ITGA4: variants seen among roughly 807,000 people sequenced by gnomAD.
ITGA4 encodes the protein integrin subunit alpha 4.
Under a neutral mutation model 133.6 loss-of-function variants are expected in ITGA4, and 63 were observed. The observed-to-expected ratio is 0.47, with a 90% CI of 0.38 to 0.58. ITGA4 has a LOEUF of 0.58. ITGA4 is among the 20% of genes least tolerant of loss of function. The pLI is 0.00. For synonymous variants in ITGA4, 483 were observed against 438.0 expected, an observed-to-expected ratio of 1.10 and a Z score of -1.28; for missense variants, 1,076 against 1,252.7, an observed-to-expected ratio of 0.86 and a Z score of 2.13.
chr2:181,534,596 A>AG (rs1687016102), intron 26 of ITGA4, among the ~76,000 whole-genome samples: 1 of 148,938 alleles, frequency 6.7e-6, no homozygotes, highest in African/African-American at 2.4e-5. Flanking sequence ...AGAATTGAAT[A>AG]GATTGGAGGA....
At chr2:181,470,749 C>T (rs367930739) in intron 2 of ITGA4, among the ~76,000 whole-genome samples, 2 of 152,122 alleles carry the variant, frequency 1.3e-5, no homozygotes, top group East Asian at 1.9e-4. Flanking sequence ...GTGGTGGGCA[C>T]CTATATCCCC....
chr2:181,538,818 A>G lies in ITGA4; in HGVS notation c.*3291A>G, dbSNP rs1687341335. Among the ~76,000 whole-genome samples, 1 of 152,212 alleles carries G rather than the reference A, an allele frequency of 6.6e-6. No homozygotes were observed. The highest frequency in any genetic ancestry group is 1.5e-5 in the Non-Finnish European group (1 of 68,026). On this transcript the variant is annotated 3_prime_UTR_variant, in exon 28 of 28. Transcript: ENST00000397033. ...AAAATCCAAAATGGAAGTTGTAGAC[A>G]TTATCTGTAGTTTATGCACAACAAT...
intron 2 of ITGA4, among the ~76,000 whole-genome samples, chr2:181,465,071 C>T (rs1334402677): frequency 1.3e-5 from 2 of 152,140 alleles, no homozygotes; most frequent in African/African-American, 4.8e-5. Context: ...GTGGATTAGA[C>T]ATGTTCTTTT....
At chr2:181,533,410 C>T (rs891124356) in intron 25 of ITGA4, among the ~76,000 whole-genome samples, 16 of 152,142 alleles carry the variant, frequency 1.1e-4, no homozygotes, top group African/African-American at 2.9e-4. Context: ...TTGCAGTTTG[C>T]CTTATCTTTT....
intron 1 of ITGA4, 90 bp from the exon 2 acceptor site, chr2:181,458,106 C>A: frequency 1.3e-6 from 2 of 1,560,798 alleles, no homozygotes; most frequent in Non-Finnish European, 1.8e-6. Context: ...GGGGAAGCTG[C>A]CCTGCTGCGG....
At chr2:181,488,894 G>A (rs17225382) in intron 10 of ITGA4, among the ~76,000 whole-genome samples, 39,638 of 152,096 alleles carry the variant, frequency 0.26, 6,161 homozygotes, top group Non-Finnish European at 0.36. Context: ...TTGCCCATGA[G>A]TAGGCGTTTT....
chr2:181,470,513 C>G (rs949364839), intron 2 of ITGA4, among the ~76,000 whole-genome samples: 2 of 152,070 alleles, frequency 1.3e-5, no homozygotes, highest in Non-Finnish European at 2.9e-5. Context: ...GTCTGAGCCT[C>G]TAAGAGTGGG....
At chr2:181,518,033 A>G (rs548527121) in intron 17 of ITGA4, among the ~76,000 whole-genome samples, 1 of 152,128 alleles carries the variant, frequency 6.6e-6, no homozygotes, top group South Asian at 2.1e-4. Flanking sequence ...CTTTAGTCCT[A>G]ACATGATTAT....
Position 181,475,296 on chromosome 2 carries a change from A to G in ITGA4, c.556+8A>G, listed in dbSNP as rs373935872. The stretch of plus-strand genomic sequence containing the variant: ...TAGCTCCGTGTTATCAAGGTAAGGC[A>G]TGATTTTGATACGAATTAGATAAAG... On this transcript the variant is annotated splice_region_variant and intron_variant, in intron 4 of 27. Coordinates refer to ENST00000397033, the MANE Select transcript of ITGA4 (RefSeq NM_000885.6). 14 of 1,602,942 alleles carry G rather than the reference A, an allele frequency of 8.7e-6. No homozygotes were observed. The African/African-American group carries it at 1.7e-4, about 20-fold the overall frequency.
At chr2:181,496,595 A>G (rs1440810486) in intron 14 of ITGA4, among the ~76,000 whole-genome samples, 1 of 152,218 alleles carries the variant, frequency 6.6e-6, no homozygotes, top group Non-Finnish European at 1.5e-5. Flanking sequence ...CTCTGGAGAA[A>G]GTATCATTGA....
At chr2:181,485,759 G>A (rs1310446582) in intron 9 of ITGA4, 122 bp from the exon 10 acceptor site, 3 of 736,676 alleles carry the variant, frequency 4.1e-6, no homozygotes, top group African/African-American at 1.8e-5. Flanking sequence ...CTAAAGCTCA[G>A]TCTGTAGTTT....
rs902308015 is a variant in ITGA4, at chr2:181,537,076, C to T, written c.*1549C>T. On this transcript the variant is annotated 3_prime_UTR_variant, in exon 28 of 28. Transcript: ENST00000397033. ...AATGTAAGCACAAAACCTCCTGAAC[C>T]CAGAGTGTGTATACACAGGAATAAA... 2.2e-6 allele frequency: 1 copy of T among 446,948 alleles called. No homozygotes were observed. The highest frequency in any genetic ancestry group is 4.5e-6 in the Non-Finnish European group (1 of 223,020). 27.7% of individuals were successfully genotyped at this position (446,948 alleles called of 1,614,324 possible).
intron 27 of ITGA4, 28 bp downstream of exon 27, chr2:181,534,963 G>A (rs139440981): frequency 2.0e-6 from 3 of 1,532,816 alleles, no homozygotes; most frequent in South Asian, 1.2e-5. Flanking sequence ...ACCAACATTA[G>A]TCTACTAAAA....
chr2:181,490,043 G>T (rs542197598), intron 10 of ITGA4, among the ~76,000 whole-genome samples: 1 of 152,118 alleles, frequency 6.6e-6, no homozygotes, highest in Non-Finnish European at 1.5e-5. Flanking sequence ...GGGGGTACGT[G>T]ACTGGGGGCT....
At chr2:181,490,349 T>C (rs1686022187) in intron 10 of ITGA4, among the ~76,000 whole-genome samples, 3 of 152,352 alleles carry the variant, frequency 2.0e-5, no homozygotes, top group South Asian at 4.1e-4. Flanking sequence ...CACTGATTTA[T>C]GAGTAAGAGC....
rs762526892 is a variant in ITGA4, at chr2:181,516,403, T to TA, written c.1922+4629dup. On this transcript the variant is annotated intron_variant, in intron 17 of 27. Coordinates refer to ENST00000397033, the MANE Select transcript of ITGA4 (RefSeq NM_000885.6). This position sits in a 1 kb window ranked among gnomAD's most constrained non-coding sequence, Gnocchi z 4.0. ...GGTTTGGTGAACAGCTACCAAAGAC[T>TA]AGACATTGATGGTTATCTTTCCAGC... Among the ~76,000 whole-genome samples the TA allele has an allele frequency of 3.9e-5, 6 of 152,096 alleles. No individual in the cohort carries two copies. Among genetic ancestry groups the TA allele is most frequent in the Non-Finnish European group, 8.8e-5 (6 of 68,006 alleles).
chr2:181,535,823 G>C lies in ITGA4; in HGVS notation c.*296G>C, dbSNP rs1687062242. 1 of 211,492 alleles carries C rather than the reference G, an allele frequency of 4.7e-6. No individual in the cohort carries two copies. Among genetic ancestry groups the C allele is most frequent in the Non-Finnish European group, 9.5e-6 (1 of 105,184 alleles). 13.1% of individuals were successfully genotyped at this position (211,492 alleles called of 1,614,324 possible). ...TAAGCCCTTGAAGATATCTTGAAAT[G>C]AAAGTATAACTGAGTTAAATTATAC... On this transcript the variant is annotated 3_prime_UTR_variant, in exon 28 of 28. Coordinates refer to ENST00000397033, the MANE Select transcript of ITGA4 (RefSeq NM_000885.6).
At chr2:181,493,163 T>C in intron 10 of ITGA4, 162 bp from the exon 11 acceptor site, 3 of 569,020 alleles carry the variant, frequency 5.3e-6, no homozygotes, top group Non-Finnish European at 9.3e-6. Context: ...ATCCTGTATA[T>C]GATGATGATA....
chr2:181,528,833 G>C (rs1686885408), intron 22 of ITGA4, among the ~76,000 whole-genome samples: 1 of 152,116 alleles, frequency 6.6e-6, no homozygotes, highest in Non-Finnish European at 1.5e-5. Context: ...AGTTCAGTAG[G>C]CTATATTTTG....
Sources: gnomAD v4.1 joint callset for allele counts (sites outside exome capture counted in the v4.1 genomes callset) on GRCh38, gnomAD v4.1.1 for gene constraint, Gnocchi (gnomAD v3.1) non-coding constraint, MANE v1.5 for transcripts, NCBI Gene and HGNC (gene_info 2026-07-23, HGNC 2026-07-21) for gene names.